Variants in SGMS1 observed in about 807,000 individuals in gnomAD.
The protein encoded by SGMS1 is sphingomyelin synthase 1, also known as phosphatidylcholine:ceramide cholinephosphotransferase 1.
A neutral mutation model predicts 46.2 loss-of-function variants in SGMS1; 13 were observed. The ratio of observed to expected loss-of-function variants is 0.28; its 90% confidence interval spans 0.18 to 0.45. The LOEUF is 0.45. Ranked by LOEUF, SGMS1 falls within the 20% of genes least tolerant of loss-of-function variation. The pLI is 1.00. For synonymous variants in SGMS1, 203 were observed against 187.8 expected (o/e 1.08, Z -0.66); for missense variants, 324 against 519.9 (o/e 0.62, Z 3.66).
intron 2 of SGMS1, among the ~76,000 whole-genome samples, chr10:50,538,266 G>A (rs1016330799): frequency 3.3e-5 from 5 of 151,894 alleles, no homozygotes; most frequent in African/African-American, 1.2e-4. Flanking sequence ...GACCATCATG[G>A]CTAACATGGT....
Position 50,513,543 on chromosome 10 carries a change from C to T in SGMS1, c.-498+6288G>A, listed in dbSNP as rs545480300. 1.1e-3 allele frequency among the ~76,000 whole-genome samples: 168 copies of T among 152,312 alleles called. 3 individuals carry two copies. In the South Asian group the frequency reaches 0.033, roughly 30 times the overall value. On this transcript the variant is annotated intron_variant, in intron 3 of 10. Transcript: ENST00000361781. ...GGTGTGAATGACACAAAGACTTCTTCTAATCCAGAGACTGAAATAATAGCT... is the reference window on the plus strand; with the variant it reads ...GGTGTGAATGACACAAAGACTTCTTTTAATCCAGAGACTGAAATAATAGCT...
intron 2 of SGMS1, among the ~76,000 whole-genome samples, chr10:50,564,644 CA>C (rs1564433238): frequency 1.3e-5 from 2 of 151,938 alleles, no homozygotes; most frequent in African/African-American, 4.8e-5. Context: ...AAAGAACATT[CA>C]AAAAATGAGA....
intron 3 of SGMS1, among the ~76,000 whole-genome samples, chr10:50,487,757 G>A (rs1425421409): frequency 1.3e-5 from 2 of 151,876 alleles, no homozygotes; most frequent in African/African-American, 4.8e-5. Flanking sequence ...TTTTTTGAGA[G>A]ATGGCTAATT....
chr10:50,463,060 T>A (rs1312594148), intron 4 of SGMS1, among the ~76,000 whole-genome samples: 5 of 151,604 alleles, frequency 3.3e-5, no homozygotes. Context: ...GACCTGAAAC[T>A]ATAAAATTCC....
intron 6 of SGMS1, among the ~76,000 whole-genome samples, chr10:50,365,255 C>CAAAAAAAAAAAAAAA (rs67951872): frequency 5.1e-4 from 23 of 45,030 alleles, no homozygotes; most frequent in Admixed American, 6.7e-4. Context: ...TCCATCTCAC[C>CAAAAAAAAAAAAAAA]AAAAAAAAAA....
At chr10:50,358,862 A>G (rs1331616451) in intron 6 of SGMS1, among the ~76,000 whole-genome samples, 2 of 152,248 alleles carry the variant, frequency 1.3e-5, no homozygotes, top group Non-Finnish European at 2.9e-5. Context: ...GTTAAATAGA[A>G]GAGTTCATAA....
At chr10:50,517,196 C>T (rs1837813964) in intron 3 of SGMS1, among the ~76,000 whole-genome samples, 1 of 152,152 alleles carries the variant, frequency 6.6e-6, no homozygotes, top group South Asian at 2.1e-4. Flanking sequence ...TCCATACTCA[C>T]CCTGCACACT....
chr10:50,382,591 A>ACACACACACC, intron 6 of SGMS1, among the ~76,000 whole-genome samples: 1 of 149,240 alleles, frequency 6.7e-6, no homozygotes, highest in African/African-American at 2.5e-5. Context: ...ACACACACAC[A>ACACACACACC]CAACTTCCCC....
At chr10:50,564,306 A>G (rs1050507074) in intron 2 of SGMS1, among the ~76,000 whole-genome samples, 1 of 152,208 alleles carries the variant, frequency 6.6e-6, no homozygotes, top group Non-Finnish European at 1.5e-5. Flanking sequence ...GAGGGCTAGC[A>G]AATGTCTGTT....
intron 3 of SGMS1, among the ~76,000 whole-genome samples, chr10:50,500,166 T>C (rs1274638751): frequency 2.0e-5 from 3 of 152,070 alleles, no homozygotes; most frequent in Admixed American, 2.0e-4. Flanking sequence ...GGACTCCATC[T>C]CAAAAACAAA....
At chr10:50,624,704 G>T (rs1197331629), upstream of SGMS1, 2 of 985,294 alleles carry the variant, frequency 2.0e-6, no homozygotes, top group Admixed American at 6.1e-5. Context: ...GGTGCAAGTC[G>T]CCTGAAGGAA....
At chr10:50,416,139 TA>T (rs1269421378) in intron 6 of SGMS1, among the ~76,000 whole-genome samples, 1 of 152,220 alleles carries the variant, frequency 6.6e-6, no homozygotes, top group African/African-American at 2.4e-5. Context: ...GAGGCACTTT[TA>T]AATCACTTAA....
chr10:50,325,584 T>C (rs1443714973), intron 8 of SGMS1, among the ~76,000 whole-genome samples: 1 of 152,250 alleles, frequency 6.6e-6, no homozygotes, highest in Non-Finnish European at 1.5e-5. Context: ...TGGTTAGATA[T>C]GTTGATGACT....
intron 3 of SGMS1, among the ~76,000 whole-genome samples, chr10:50,500,593 T>C (rs752396878): frequency 1.3e-5 from 2 of 152,048 alleles, no homozygotes; most frequent in Non-Finnish European, 2.9e-5. Context: ...GGATTCTGAT[T>C]TGGGTTCCAT....
intron 3 of SGMS1, among the ~76,000 whole-genome samples, chr10:50,489,706 T>C (rs1837551954): frequency 6.6e-6 from 1 of 152,216 alleles, no homozygotes; most frequent in African/African-American, 2.4e-5. Context: ...CTGGGCACGG[T>C]GGCTCACGCC....
intron 3 of SGMS1, among the ~76,000 whole-genome samples, chr10:50,497,467 G>T (rs1243489485): frequency 6.6e-6 from 1 of 152,210 alleles, no homozygotes; most frequent in Non-Finnish European, 1.5e-5. Context: ...GTGAGATTAT[G>T]CAAGAGAAGC....
rs150093551 is a variant in SGMS1, at chr10:50,327,315, T to C, written c.631A>G (p.Ile211Val). The C allele has an allele frequency of 5.1e-6, 8 of 1,582,964 alleles. No individual in the cohort carries two copies. The African/African-American group carries it at 6.7e-5, about 13-fold the overall frequency. ...QWLLLKYKSI[I>V]SRRFFCIVGT... ...ACTATGCAGAAAAATCTTCTGCTAA[T>C]AATAGACCTAGAAAAAGGGAAAAAC... Residue 211 changes from isoleucine (I) to valine (V), a missense_variant, in exon 8 of 11, where the codon ATT becomes GTT. Ile to Val is a conservative substitution (Grantham distance 29). This residue lies in a region of SGMS1 where 174 missense variants were observed against 350.1 expected (regional missense o/e 0.50). Coordinates refer to ENST00000361781, the MANE Select transcript of SGMS1 (RefSeq NM_147156.4).
At chr10:50,598,132 G>A (rs1375009162) in intron 1 of SGMS1, among the ~76,000 whole-genome samples, 3 of 146,502 alleles carry the variant, frequency 2.0e-5, no homozygotes, top group Non-Finnish European at 3.0e-5. Context: ...CCAGTGTGAC[G>A]GTATTCAGAG....
chr10:50,453,906 G>A (rs1015548657), intron 5 of SGMS1, among the ~76,000 whole-genome samples: 1 of 147,320 alleles, frequency 6.8e-6, no homozygotes, highest in African/African-American at 2.5e-5. Context: ...AAAGAGGGAG[G>A]GAAAAGTTGG....
Sources: allele counts gnomAD v4.1 joint callset (sites outside exome capture counted in the v4.1 genomes callset), GRCh38; gene constraint gnomAD v4.1.1; regional missense constraint gnomAD v4.1.1; transcripts MANE v1.5; gene names NCBI Gene and HGNC (gene_info 2026-07-23, HGNC 2026-07-21).